Variants in PTPRJ observed in about 807,000 individuals in gnomAD.
The protein encoded by PTPRJ is receptor-type tyrosine-protein phosphatase eta.
A neutral mutation model predicts 141.3 loss-of-function variants in PTPRJ; 129 were observed. That is an observed-to-expected ratio of 0.91 (90% CI 0.79 to 1.06). PTPRJ has a LOEUF of 1.06. Ranked by LOEUF, PTPRJ falls within the 50% of genes least tolerant of loss-of-function variation. The pLI is 0.00. For missense variants in PTPRJ, 1,601 were observed against 1,679.7 expected, an observed-to-expected ratio of 0.95 and a Z score of 0.82; for synonymous variants, 610 against 640.5, an observed-to-expected ratio of 0.95 and a Z score of 0.72.
At chr11:48,057,558 C>A (rs1056075108) in intron 1 of PTPRJ, among the ~76,000 whole-genome samples, 1 of 151,950 alleles carries the variant, frequency 6.6e-6, no homozygotes, top group Non-Finnish European at 1.5e-5. Context: ...TCACGTGGGT[C>A]GAGGCAGGTG....
chr11:48,124,238 C>T lies in PTPRJ; in HGVS notation c.874+368C>T, dbSNP rs550249125. ...GCGTTGTCATTTGCAGGTTTCATAGCATTTGCAGAGGATCCCCAGGATAAC... is the reference window on the plus strand; with the variant it reads ...GCGTTGTCATTTGCAGGTTTCATAGTATTTGCAGAGGATCCCCAGGATAAC... On this transcript the variant is annotated intron_variant, in intron 5 of 24. Coordinates refer to ENST00000418331, the MANE Select transcript of PTPRJ (RefSeq NM_002843.4). Among the ~76,000 whole-genome samples the T allele has an allele frequency of 1.5e-4, 23 of 152,302 alleles. 1 individual carries two copies. The South Asian group carries it at 3.7e-3, about 25-fold the overall frequency.
intron 1 of PTPRJ, among the ~76,000 whole-genome samples, chr11:48,019,250 GGA>G (rs1855039628): frequency 6.6e-6 from 1 of 152,132 alleles, no homozygotes; most frequent in East Asian, 1.9e-4. Context: ...CAACAGAAGA[GGA>G]TTTTCAGTGA....
intron 1 of PTPRJ, among the ~76,000 whole-genome samples, chr11:48,106,421 G>A (rs571349497): frequency 1.1e-4 from 17 of 152,226 alleles, no homozygotes; most frequent in Non-Finnish European, 2.1e-4. Flanking sequence ...TAGGGCTGGA[G>A]GTTATGAAGA....
At chr11:48,003,159 T>C (rs547785459) in intron 1 of PTPRJ, among the ~76,000 whole-genome samples, 1 of 152,344 alleles carries the variant, frequency 6.6e-6, no homozygotes, top group East Asian at 1.9e-4. Context: ...TTAACCATGA[T>C]GTTTAATAGC....
In PTPRJ at chr11:48,126,813, C is replaced by T. The variant is rs371001978; in HGVS notation, c.1094-967C>T. 3.4e-4 allele frequency among the ~76,000 whole-genome samples: 47 copies of T among 137,046 alleles called. 1 individual carries two copies. The highest frequency in any genetic ancestry group is 1.3e-3 in the African/African-American group (43 of 31,998). 89.9% of individuals were successfully genotyped at this position (137,046 alleles called of 152,430 possible). A position where few individuals can be genotyped will look rare whatever the true frequency, so the allele number is the denominator to read the frequency against. ...ACACACACACACACACACACACACACACACACAGATAAACACACATTTCCA... is the reference window on the plus strand; with the variant it reads ...ACACACACACACACACACACACACATACACACAGATAAACACACATTTCCA... On this transcript the variant is annotated intron_variant, in intron 6 of 24. Transcript: ENST00000418331.
chr11:48,074,878 A>G lies in PTPRJ; in HGVS notation c.97-35180A>G, dbSNP rs532417041. Among the ~76,000 whole-genome samples the G allele has an allele frequency of 5.9e-5, 9 of 152,288 alleles. No homozygotes were observed. The East Asian group carries it at 1.7e-3, about 29-fold the overall frequency. On this transcript the variant is annotated intron_variant, in intron 1 of 24. Coordinates refer to ENST00000418331, the MANE Select transcript of PTPRJ (RefSeq NM_002843.4). ...ATTAGGGCCAGGAGTCAGTGCTCTC[A>G]GCATGGAAGAATCTCACCTCCAAAA...
intron 15 of PTPRJ, among the ~76,000 whole-genome samples, chr11:48,149,116 A>C (rs1857418083): frequency 6.6e-6 from 1 of 152,256 alleles, no homozygotes; most frequent in East Asian, 1.9e-4. Context: ...TCTCAAAAAC[A>C]AAGTATGAAA....
chr11:48,137,199 CTCA>C lies in PTPRJ; in HGVS notation c.2075_2077del (p.Ser692del). The C allele has an allele frequency of 6.2e-7, 1 of 1,613,744 alleles. No homozygotes were observed. The highest frequency in any genetic ancestry group is 8.5e-7 in the Non-Finnish European group (1 of 1,179,648). ...CTACAGTCACTGAATTAATACCTGG[CTCA>C]TCATACACAGTGGAGATCTTTGCAC... On this transcript the variant is annotated inframe_deletion, in exon 10 of 25. Coordinates refer to ENST00000418331, the MANE Select transcript of PTPRJ (RefSeq NM_002843.4).
At chr11:48,085,293 C>G (rs1351520000) in intron 1 of PTPRJ, among the ~76,000 whole-genome samples, 2 of 150,018 alleles carry the variant, frequency 1.3e-5, no homozygotes, top group Non-Finnish European at 3.0e-5. Context: ...ACATCATTTT[C>G]CATACAATGT....
chr11:48,015,613 A>T (rs1854928809), intron 1 of PTPRJ, among the ~76,000 whole-genome samples: 1 of 152,090 alleles, frequency 6.6e-6, no homozygotes, highest in South Asian at 2.1e-4. Context: ...GTGGTGGTTT[A>T]TGCCTGTAAT....
chr11:48,117,761 A>C (rs1238572975), intron 3 of PTPRJ, among the ~76,000 whole-genome samples: 2 of 151,746 alleles, frequency 1.3e-5, no homozygotes, highest in Non-Finnish European at 2.9e-5. Flanking sequence ...AGGCACTAGA[A>C]AAACAATAGA....
At chr11:48,020,130 T>G (rs776697216) in intron 1 of PTPRJ, among the ~76,000 whole-genome samples, 5 of 152,116 alleles carry the variant, frequency 3.3e-5, no homozygotes, top group Non-Finnish European at 5.9e-5. Flanking sequence ...TAATTTATAG[T>G]GTTGTTCTTT....
intron 1 of PTPRJ, among the ~76,000 whole-genome samples, chr11:48,107,348 A>G (rs1279769373): frequency 6.6e-6 from 1 of 152,092 alleles, no homozygotes; most frequent in East Asian, 1.9e-4. Context: ...CTAGCAATGA[A>G]CAAGGCTGGA....
At chr11:48,127,679 C>T (rs1412374899) in intron 6 of PTPRJ, 101 bp from the exon 7 acceptor site, 1 of 1,266,524 alleles carries the variant, frequency 7.9e-7, no homozygotes, top group African/African-American at 1.5e-5. Flanking sequence ...GGAACACTCC[C>T]CCAGGAGAGT....
chr11:48,101,255 T>C (rs1012872013), intron 1 of PTPRJ, among the ~76,000 whole-genome samples: 1 of 152,156 alleles, frequency 6.6e-6, no homozygotes, highest in Non-Finnish European at 1.5e-5. Flanking sequence ...TAATAGGTGG[T>C]GGTGCCAGGC....
intron 1 of PTPRJ, among the ~76,000 whole-genome samples, chr11:48,082,611 ATAT>A (rs1855593076): frequency 1.6e-5 from 1 of 61,168 alleles, no homozygotes; most frequent in Non-Finnish European, 4.4e-5. Flanking sequence ...GTCCAGCCTG[ATAT>A]TGCTATTTTT....
intron 1 of PTPRJ, among the ~76,000 whole-genome samples, chr11:48,096,122 A>G (rs1211983643): frequency 2.0e-5 from 3 of 152,232 alleles, no homozygotes; most frequent in Non-Finnish European, 4.4e-5. Context: ...TGCCGTTTAC[A>G]GAATTTGTCT....
At chr11:48,009,750 A>G (rs1181752263) in intron 1 of PTPRJ, among the ~76,000 whole-genome samples, 1 of 152,268 alleles carries the variant, frequency 6.6e-6, no homozygotes, top group African/African-American at 2.4e-5. Context: ...GCCCCTGGGC[A>G]AGTCACTGGA....
chr11:48,053,468 A>T (rs1266367188), intron 1 of PTPRJ, among the ~76,000 whole-genome samples: 5 of 118,422 alleles, frequency 4.2e-5, no homozygotes, highest in Non-Finnish European at 8.1e-5. Flanking sequence ...ATTATATATA[A>T]TATATAAAAA....
Sources: allele counts gnomAD v4.1 joint callset (sites outside exome capture counted in the v4.1 genomes callset), GRCh38; gene constraint gnomAD v4.1.1; transcripts MANE v1.5; gene names NCBI Gene and HGNC (gene_info 2026-07-23, HGNC 2026-07-21).